Variants in WWOX observed in about 807,000 individuals in gnomAD.
WWOX encodes the protein WW domain containing oxidoreductase.
In WWOX, 69 loss-of-function variants were observed where a neutral mutation model predicts 46.2. That is an observed-to-expected ratio of 1.49 (90% confidence interval 1.23 to 1.82). The LOEUF (loss-of-function observed/expected upper bound fraction) is 1.82. Among genes scored for constraint, WWOX ranks in the 40% most tolerant of loss-of-function variants. The probability of loss-of-function intolerance (pLI) is 0.00; values close to 1 mark genes in which losing one functional copy is unlikely to be tolerated. For synonymous variants in WWOX, 359 were observed against 202.6 expected (o/e 1.77, Z -6.56); for missense variants, 919 against 542.6 (o/e 1.69, Z -6.89).
At chr16:79,026,407 G>A (rs943367454) in intron 8 of WWOX, among the ~76,000 whole-genome samples, 3 of 151,630 alleles carry the variant, frequency 2.0e-5, no homozygotes, top group East Asian at 1.9e-4. Context: ...CCCTGGCCAC[G>A]GTCACTTCCT....
intron 8 of WWOX, among the ~76,000 whole-genome samples, chr16:78,980,326 C>T (rs761156440): frequency 2.0e-5 from 3 of 152,102 alleles, no homozygotes; most frequent in Non-Finnish European, 4.4e-5. Context: ...TCAGGATTTC[C>T]ATGTCTTTAT....
chr16:78,732,016 TA>T (rs1245054699), intron 8 of WWOX, among the ~76,000 whole-genome samples: 3 of 151,598 alleles, frequency 2.0e-5, no homozygotes, highest in Non-Finnish European at 4.4e-5. Context: ...CCAGTGAATT[TA>T]AAAAAACAAA....
At chr16:78,829,549 C>G (rs923945564) in intron 8 of WWOX, among the ~76,000 whole-genome samples, 3 of 152,048 alleles carry the variant, frequency 2.0e-5, no homozygotes, top group African/African-American at 7.2e-5. Flanking sequence ...AAGTTGACAC[C>G]TACAATTTTT....
rs540673902 is a variant in WWOX, at chr16:78,544,001, T to TA, written c.1056+111250dup. ...ATTAAAGAGAATTTGTAGATAGACT[T>TA]ACATCCCTCAGTTTCAAAGCTTCTA... is the stretch of plus-strand genomic sequence containing the variant. On this transcript the variant is annotated intron_variant, in intron 8 of 8. Transcript: ENST00000566780. Among the ~76,000 whole-genome samples the TA allele has an allele frequency of 3.5e-4, 54 of 152,304 alleles. No homozygotes were observed. The South Asian group carries it at 0.011, about 30-fold the overall frequency.
chr16:78,867,648 C>G (rs2044034871), intron 8 of WWOX, among the ~76,000 whole-genome samples: 1 of 151,998 alleles, frequency 6.6e-6, no homozygotes. Flanking sequence ...TCAAGAGAGT[C>G]TCCCACCTCA....
chr16:78,856,710 T>TA (rs896319647), intron 8 of WWOX, among the ~76,000 whole-genome samples: 6 of 152,132 alleles, frequency 3.9e-5, no homozygotes, highest in African/African-American at 9.7e-5. Context: ...TTCAGTACTT[T>TA]AAAAAAATGT....
rs145764065 is a variant in WWOX at position 78,928,045 on chromosome 16, A to C, written c.1057-283563A>C. ...CTAGAATGCATAAACAAACAAAAAA[A>C]ATATCATACTCTCAGATCCTGGATA... On this transcript the variant is annotated intron_variant, in intron 8 of 8. Coordinates refer to ENST00000566780, the MANE Select transcript of WWOX (RefSeq NM_016373.4). Among the ~76,000 whole-genome samples, 320 of 152,232 alleles carry C rather than the reference A, an allele frequency of 2.1e-3. 2 individuals are homozygous for C. The highest frequency in any genetic ancestry group is 7.2e-3 in the African/African-American group (300 of 41,542).
At chr16:78,270,598 G>A (rs1055038540) in intron 5 of WWOX, 3 of 152,166 alleles carry the variant, frequency 2.0e-5, no homozygotes, top group African/African-American at 7.2e-5. Flanking sequence ...CATGAGTAAC[G>A]AAGTCCTCTG....
intron 8 of WWOX, among the ~76,000 whole-genome samples, chr16:79,064,698 A>C (rs2048411592): frequency 1.3e-5 from 2 of 152,216 alleles, no homozygotes; most frequent in African/African-American, 2.4e-5. Context: ...GACAGTAGAG[A>C]GTCAGCCCTG....
At chr16:78,105,363 G>T (rs780378640) in intron 1 of WWOX, among the ~76,000 whole-genome samples, 16 of 152,048 alleles carry the variant, frequency 1.1e-4, no homozygotes, top group Non-Finnish European at 1.9e-4. Flanking sequence ...TCAGGCTGAG[G>T]CGGGAGAATT....
chr16:78,400,082 G>C (rs59216310), intron 6 of WWOX, among the ~76,000 whole-genome samples: 14,089 of 152,138 alleles, frequency 0.093, 1,001 homozygotes, highest in African/African-American at 0.2. Flanking sequence ...TTGTCATTCA[G>C]AAAAACATAA....
At chr16:78,892,781 G>C (rs2044619197) in intron 8 of WWOX, among the ~76,000 whole-genome samples, 1 of 152,148 alleles carries the variant, frequency 6.6e-6, no homozygotes, top group Non-Finnish European at 1.5e-5. Flanking sequence ...GTAGAGTTTT[G>C]TTAGCCACGA....
chr16:79,001,146 G>A (rs1379814118), intron 8 of WWOX, among the ~76,000 whole-genome samples: 1 of 152,218 alleles, frequency 6.6e-6, no homozygotes, highest in African/African-American at 2.4e-5. Context: ...CAGTCAGGGA[G>A]CTGCGATTTA....
chr16:78,964,807 C>T (rs1333106954), intron 8 of WWOX, among the ~76,000 whole-genome samples: 3 of 152,204 alleles, frequency 2.0e-5, no homozygotes, highest in African/African-American at 7.2e-5. Flanking sequence ...CCCTGGGTCC[C>T]TGTGCTGTGT....
chr16:78,875,627 C>T (rs1209938186), intron 8 of WWOX, among the ~76,000 whole-genome samples: 3 of 152,262 alleles, frequency 2.0e-5, no homozygotes, highest in Non-Finnish European at 2.9e-5. Flanking sequence ...AATCCCGGTA[C>T]ATTTCACCAG....
chr16:78,583,612 G>T (rs1447556669), intron 8 of WWOX, among the ~76,000 whole-genome samples: 1 of 152,136 alleles, frequency 6.6e-6, no homozygotes, highest in Non-Finnish European at 1.5e-5. Flanking sequence ...CCCAAGCTGG[G>T]ATTGACCCAG....
At chr16:79,054,059 A>G (rs2048218113) in intron 8 of WWOX, among the ~76,000 whole-genome samples, 1 of 152,090 alleles carries the variant, frequency 6.6e-6, no homozygotes, top group Non-Finnish European at 1.5e-5. Flanking sequence ...TATAATTGAT[A>G]CCTGCTCTCT....
At chr16:78,955,426 A>G (rs1042361232) in intron 8 of WWOX, among the ~76,000 whole-genome samples, 1 of 152,148 alleles carries the variant, frequency 6.6e-6, no homozygotes, top group Non-Finnish European at 1.5e-5. Context: ...TCAGAGTCCC[A>G]GAGAGCTTGG....
In WWOX at chr16:78,133,475, G is replaced by A. The variant is rs182036437; in HGVS notation, c.409+18321G>A. On this transcript the variant is annotated intron_variant, in intron 4 of 8. Transcript: ENST00000566780. ...GGGGTTTCACCATGTTGGCCAGGCT[G>A]GTCTTGAACTCCTAACCTCAAGTGA... Among the ~76,000 whole-genome samples the A allele has an allele frequency of 6.6e-3, 998 of 152,262 alleles. 9 individuals are homozygous for A. Among genetic ancestry groups the A allele is most frequent in the African/African-American group, 0.023 (950 of 41,542 alleles).
Sources: gnomAD v4.1 joint callset for allele counts (sites outside exome capture counted in the v4.1 genomes callset) on GRCh38, gnomAD v4.1.1 for gene constraint, MANE v1.5 for transcripts, NCBI Gene and HGNC (gene_info 2026-07-23, HGNC 2026-07-21) for gene names.